Variants in PTHLH observed in about 807,000 individuals in gnomAD.
PTHLH encodes the protein parathyroid hormone like hormone.
PTHLH carries 5 observed loss-of-function variants against 18.6 expected under a neutral mutation model. The observed-to-expected ratio is 0.27, with a 90% CI of 0.14 to 0.56. The LOEUF (loss-of-function observed/expected upper bound fraction) is 0.56. Ranked by LOEUF, PTHLH falls within the 20% of genes least tolerant of loss-of-function variation. The pLI is 0.92. For synonymous variants in PTHLH, 90 were observed against 94.0 expected (o/e 0.96, Z 0.25); for missense variants, 207 against 223.9 (o/e 0.92, Z 0.48).
intron 2 of PTHLH, 135 bp downstream of exon 2, chr12:27,971,792 A>C (rs564384523): frequency 6.6e-6 from 1 of 151,476 alleles, no homozygotes; most frequent in African/African-American, 2.5e-5. Context: ...ACAAAACCAA[A>C]ACACACACAC....
intron 5 of PTHLH, chr12:27,962,537 A>G: frequency 1.0e-6 from 1 of 985,316 alleles, no homozygotes; most frequent in Non-Finnish European, 1.2e-6. Context: ...CCCAAAGTCT[A>G]GGAGTGTCAT....
chr12:27,964,471 C>CAGAGAGAG (rs10551155), intron 4 of PTHLH, among the ~76,000 whole-genome samples: 3 of 148,748 alleles, frequency 2.0e-5, no homozygotes, highest in African/African-American at 4.9e-5. Context: ...GGCCAATCGT[C>CAGAGAGAG]AGAGAGAGAG....
rs2062747694 is a variant in PTHLH, at chr12:27,960,918, AT to A, written c.525-2351del. 3.3e-5 allele frequency among the ~76,000 whole-genome samples: 5 copies of A among 152,140 alleles called. No homozygotes were observed. The South Asian group carries it at 1.0e-3, about 32-fold the overall frequency. On this transcript the variant is annotated intron_variant, in intron 5 of 5. Coordinates refer to ENST00000545234, the MANE Select transcript of PTHLH (RefSeq NM_198965.2). Reference sequence around the variant, plus strand: ...ATTTTATCTGGATTACAAAACTTGCATGGCCCCATACATTCTCATCAATACA... The same window carrying A: ...ATTTTATCTGGATTACAAAACTTGCAGGCCCCATACATTCTCATCAATACA...
intron 5 of PTHLH, chr12:27,961,977 A>C: frequency 1.4e-6 from 1 of 709,598 alleles, no homozygotes; most frequent in Non-Finnish European, 2.5e-6. Flanking sequence ...TTTTTTTTTC[A>C]AACCCCACAG....
chr12:27,959,934 GT>G (rs147762909), intron 5 of PTHLH, among the ~76,000 whole-genome samples: 8,727 of 152,234 alleles, frequency 0.057, 367 homozygotes, highest in Non-Finnish European at 0.09. Flanking sequence ...ATGGTATTTT[GT>G]GAATTGAGTA....
intron 2 of PTHLH, among the ~76,000 whole-genome samples, chr12:27,971,670 T>C (rs1288312019): frequency 1.3e-5 from 2 of 151,346 alleles, no homozygotes; most frequent in African/African-American, 4.9e-5. Flanking sequence ...ACTGCTTAGG[T>C]TGGGTGGGGG....
intron 3 of PTHLH, chr12:27,969,770 G>C (rs923363108): frequency 1.5e-6 from 1 of 681,108 alleles, no homozygotes; most frequent in South Asian, 1.4e-5. Flanking sequence ...AATCAGAGGC[G>C]CTTCCTCTGA....
At chr12:27,958,939 A>T (rs2062732727) in intron 5 of PTHLH, among the ~76,000 whole-genome samples, 1 of 152,276 alleles carries the variant, frequency 6.6e-6, no homozygotes, top group Non-Finnish European at 1.5e-5. Context: ...TGGACCATCC[A>T]TCATTAAATA....
intron 4 of PTHLH, among the ~76,000 whole-genome samples, chr12:27,968,180 T>A (rs2062834009): frequency 6.6e-6 from 1 of 152,180 alleles, no homozygotes; most frequent in Non-Finnish European, 1.5e-5. Flanking sequence ...TTCGGTATAA[T>A]GTTCTACACA....
At chr12:27,971,328 G>A (rs1363873058) in intron 2 of PTHLH, among the ~76,000 whole-genome samples, 1 of 152,104 alleles carries the variant, frequency 6.6e-6, no homozygotes, top group African/African-American at 2.4e-5. Flanking sequence ...CGGAATTACT[G>A]GGTAGTATCA....
intron 4 of PTHLH, among the ~76,000 whole-genome samples, chr12:27,968,695 G>C (rs770415007): frequency 5.3e-5 from 8 of 152,190 alleles, no homozygotes; most frequent in Admixed American, 4.6e-4. Context: ...CAAAATACAA[G>C]TTTTCAGTCT....
intron 2 of PTHLH, among the ~76,000 whole-genome samples, chr12:27,971,231 CTA>C (rs1184038630): frequency 6.6e-6 from 1 of 152,122 alleles, no homozygotes; most frequent in Non-Finnish European, 1.5e-5. Flanking sequence ...TGCAGTGGAA[CTA>C]TGGTTATGTG....
intron 5 of PTHLH, among the ~76,000 whole-genome samples, chr12:27,960,029 C>T (rs1410610764): frequency 6.6e-6 from 1 of 152,114 alleles, no homozygotes; most frequent in Non-Finnish European, 1.5e-5. Flanking sequence ...GTTAAAGGAC[C>T]AAGGAGAAAT....
At chr12:27,962,919 G>C (rs1354985431) in intron 5 of PTHLH, 2 of 1,060,184 alleles carry the variant, frequency 1.9e-6, no homozygotes, top group Non-Finnish European at 1.1e-6. Context: ...AATATCAAAT[G>C]CTTCTATATT....
At chr12:27,969,986 T>C (rs780808100) in intron 3 of PTHLH, 39 bp downstream of exon 3, 36 of 519,008 alleles carry the variant, frequency 6.9e-5, no homozygotes, top group East Asian at 5.4e-5. Context: ...GAGCCACTTG[T>C]AGCGAAACCC....
In PTHLH at chr12:27,958,442, C is replaced by T. The variant is rs2062729183; in HGVS notation, c.*117G>A. On this transcript the variant is annotated 3_prime_UTR_variant, in exon 6 of 6. Transcript: ENST00000545234. ...CAGTTTCATAGAGCAATGGGGGAGA[C>T]AGTTTTATTCCAATGCATTTACAGT... The T allele has an allele frequency of 2.0e-6, 2 of 986,736 alleles. No individual in the cohort carries two copies. The highest frequency in any genetic ancestry group is 2.3e-4 in the Middle Eastern group (1 of 4,386). The allele number at this position is 986,736 out of a possible 1,614,324, so 61.1% of individuals were successfully genotyped here.
At chr12:27,971,532 C>T (rs956859656) in intron 2 of PTHLH, among the ~76,000 whole-genome samples, 1 of 152,050 alleles carries the variant, frequency 6.6e-6, no homozygotes, top group African/African-American at 2.4e-5. Context: ...TGGCCTTTAT[C>T]AAGCCCGACT....
At chr12:27,970,562 C>A (rs2062862692) in intron 2 of PTHLH, among the ~76,000 whole-genome samples, 1 of 151,898 alleles carries the variant, frequency 6.6e-6, no homozygotes, top group Non-Finnish European at 1.5e-5. Flanking sequence ...GGGGCGTGGG[C>A]GCATCCGCTT....
rs1032046289 is a variant in PTHLH at position 27,970,184 on chromosome 12, C to A, written c.-182G>T. ...GGAGGCGGCAGCCCCGCTTCACGGGCGGGGAGACATGCTGGCCGGGCGGCG... is the reference window on the plus strand; with the variant it reads ...GGAGGCGGCAGCCCCGCTTCACGGGAGGGGAGACATGCTGGCCGGGCGGCG... On this transcript the variant is annotated 5_prime_UTR_variant, in exon 3 of 6. Coordinates refer to ENST00000545234, the MANE Select transcript of PTHLH (RefSeq NM_198965.2). 1.9e-5 allele frequency: 10 copies of A among 513,236 alleles called. No individual in the cohort carries two copies. The highest frequency in any genetic ancestry group is 3.5e-5 in the Non-Finnish European group (9 of 257,474). The allele number at this position is 513,236 out of a possible 1,614,324, so 31.8% of individuals were successfully genotyped here.
Sources: allele counts gnomAD v4.1 joint callset (sites outside exome capture counted in the v4.1 genomes callset), GRCh38; gene constraint gnomAD v4.1.1; transcripts MANE v1.5; gene names NCBI Gene and HGNC (gene_info 2026-07-23, HGNC 2026-07-21).